The following BICRAL variants were observed in gnomAD, a reference collection of about 807,000 sequenced individuals.
The protein encoded by BICRAL is BICRA like chromatin remodeling complex associated protein.
BICRAL carries 8 observed loss-of-function variants against 91.8 expected under a neutral mutation model. The ratio of observed to expected loss-of-function variants is 0.09; its 90% CI spans 0.05 to 0.16. The LOEUF is 0.16. Ranked by LOEUF, BICRAL falls within the 10% of genes least tolerant of loss-of-function variation. BICRAL has a pLI of 1.00. For missense variants in BICRAL, 1,038 were observed against 1,310.9 expected (o/e 0.79, Z 3.21); for synonymous variants, 445 against 491.1 (o/e 0.91, Z 1.24).
At chr6:42,790,076 G>C (rs550598484) in intron 1 of BICRAL, among the ~76,000 whole-genome samples, 1 of 152,158 alleles carries the variant, frequency 6.6e-6, no homozygotes, top group Admixed American at 6.5e-5. Context: ...GCGGCTTATA[G>C]CATTTGACAT....
chr6:42,747,670 C>T (rs1449088044), intron 1 of BICRAL, among the ~76,000 whole-genome samples: 1 of 152,186 alleles, frequency 6.6e-6, no homozygotes, highest in Non-Finnish European at 1.5e-5. Flanking sequence ...TGTCCGCGTG[C>T]CTGCGTGCAC....
intron 1 of BICRAL, among the ~76,000 whole-genome samples, chr6:42,756,917 T>TC (rs1562448039): frequency 3.3e-4 from 23 of 70,524 alleles, no homozygotes; most frequent in African/African-American, 3.6e-4. Flanking sequence ...TCTCTCTCCC[T>TC]CTCCCCCCCC....
At chr6:42,767,752 G>T (rs921466239) in intron 1 of BICRAL, among the ~76,000 whole-genome samples, 1 of 152,186 alleles carries the variant, frequency 6.6e-6, no homozygotes, top group African/African-American at 2.4e-5. Context: ...CATACTGTGT[G>T]TTATCAAGGA....
At chr6:42,863,678 A>T (rs1261796059) in intron 12 of BICRAL, among the ~76,000 whole-genome samples, 1 of 152,194 alleles carries the variant, frequency 6.6e-6, no homozygotes, top group Non-Finnish European at 1.5e-5. Context: ...GACACCAGGA[A>T]CTAATTTCTG....
intron 1 of BICRAL, among the ~76,000 whole-genome samples, chr6:42,748,855 CCT>C (rs1055906831): frequency 2.9e-4 from 44 of 152,156 alleles, no homozygotes; most frequent in African/African-American, 1.0e-3. Flanking sequence ...GTGTTTGCAT[CCT>C]CTCTCTGCCA....
upstream of BICRAL, among the ~76,000 whole-genome samples, chr6:42,780,541 T>C (rs73733751): frequency 9.4e-3 from 1,437 of 152,304 alleles, 29 homozygotes; most frequent in African/African-American, 0.033. Flanking sequence ...TTTAAAATAA[T>C]TTATAACATT....
intron 1 of BICRAL, among the ~76,000 whole-genome samples, chr6:42,773,830 T>G (rs576693854): frequency 5.6e-4 from 85 of 152,352 alleles, no homozygotes; most frequent in African/African-American, 1.9e-3. Context: ...AGCCTGTTTT[T>G]GGGGATGATG....
At chr6:42,793,333 TA>T (rs1763332858) in intron 1 of BICRAL, among the ~76,000 whole-genome samples, 2 of 136,008 alleles carry the variant, frequency 1.5e-5, no homozygotes, top group African/African-American at 5.7e-5. Context: ...TTTGTATTTT[TA>T]GTAGAGACGG....
intron 1 of BICRAL, among the ~76,000 whole-genome samples, chr6:42,751,654 C>CTTT (rs1190737893): frequency 2.3e-4 from 27 of 116,556 alleles, no homozygotes; most frequent in African/African-American, 3.5e-4. Flanking sequence ...TCTTTCTTTT[C>CTTT]TTTTTTTTTT....
At chr6:42,787,287 G>A (rs1408665013) in intron 1 of BICRAL, among the ~76,000 whole-genome samples, 1 of 152,208 alleles carries the variant, frequency 6.6e-6, no homozygotes, top group Admixed American at 6.5e-5. Context: ...GGAGGAACAG[G>A]TGGAGAGGAG....
upstream of BICRAL, among the ~76,000 whole-genome samples, chr6:42,777,211 T>C (rs1291599675): frequency 6.6e-6 from 1 of 152,206 alleles, no homozygotes; most frequent in Non-Finnish European, 1.5e-5. Context: ...CAGTTGAATG[T>C]ATTGAACTCT....
At chr6:42,802,309 T>A (rs1267783132) in intron 1 of BICRAL, among the ~76,000 whole-genome samples, 3 of 152,194 alleles carry the variant, frequency 2.0e-5, no homozygotes, top group African/African-American at 7.2e-5. Context: ...TTTTCCTGAA[T>A]AAAACTAGAA....
upstream of BICRAL, among the ~76,000 whole-genome samples, chr6:42,746,512 T>A (rs1254224893): frequency 1.4e-5 from 2 of 142,088 alleles, no homozygotes; most frequent in Non-Finnish European, 3.1e-5. Flanking sequence ...GAGGGATGAG[T>A]GCGTGTGGTG....
intron 1 of BICRAL, among the ~76,000 whole-genome samples, chr6:42,756,662 G>C (rs1261989522): frequency 2.0e-5 from 3 of 151,476 alleles, no homozygotes; most frequent in Non-Finnish European, 2.9e-5. Flanking sequence ...ACGTAAGTCT[G>C]AGTTACTGAT....
Position 42,828,765 on chromosome 6 carries a change from T to A in BICRAL, c.432T>A (p.Ser144=). 1 of 1,614,232 alleles carries A rather than the reference T, an allele frequency of 6.2e-7. No homozygotes were observed. The highest frequency in any genetic ancestry group is 8.5e-7 in the Non-Finnish European group (1 of 1,180,022). The change falls in exon 6 of 13, where the codon TCT becomes TCA. Residue 144 remains serine, a synonymous_variant. Coordinates refer to ENST00000314073, the MANE Select transcript of BICRAL (RefSeq NM_001393499.1). ...TTGCACAAGCTCAGCTTCATCCTTC[T>A]TCATCAGCATCCTTTACTCAGGCTT... ...QQFAQAQLHP[S]SSASFTQASN... is the part of the protein sequence containing the mutation.
At chr6:42,777,285 C>T (rs1762820418), upstream of BICRAL, among the ~76,000 whole-genome samples, 1 of 152,162 alleles carries the variant, frequency 6.6e-6, no homozygotes, top group African/African-American at 2.4e-5. Context: ...AAATAACTCT[C>T]AGAGGTGGGT....
intron 1 of BICRAL, among the ~76,000 whole-genome samples, chr6:42,773,894 G>T (rs1373203351): frequency 6.6e-6 from 1 of 152,232 alleles, no homozygotes; most frequent in Non-Finnish European, 1.5e-5. Context: ...ATTTTGAAGG[G>T]TAGCAAATGA....
intron 8 of BICRAL, among the ~76,000 whole-genome samples, chr6:42,855,490 C>T (rs774030617): frequency 4.0e-5 from 6 of 151,718 alleles, no homozygotes; most frequent in Admixed American, 1.3e-4. Flanking sequence ...TGCAGTGAGC[C>T]GAGATTGTAC....
intron 1 of BICRAL, among the ~76,000 whole-genome samples, chr6:42,797,075 G>T (rs1450280859): frequency 1.3e-5 from 2 of 150,386 alleles, no homozygotes; most frequent in Admixed American, 1.3e-4. Context: ...AGCTGTTAAG[G>T]GTTACATGTA....
Sources: gnomAD v4.1 joint callset for allele counts (sites outside exome capture counted in the v4.1 genomes callset) on GRCh38, gnomAD v4.1.1 for gene constraint, MANE v1.5 for transcripts, NCBI Gene and HGNC (gene_info 2026-07-23, HGNC 2026-07-21) for gene names.